The following TRPC4AP variants were observed in gnomAD, a reference collection of about 807,000 sequenced individuals.
TRPC4AP encodes the protein transient receptor potential cation channel subfamily C member 4 associated protein.
A neutral mutation model predicts 99.0 loss-of-function variants in TRPC4AP; 45 were observed. The ratio of observed to expected loss-of-function variants is 0.45; its 90% CI spans 0.36 to 0.58. TRPC4AP has a LOEUF of 0.58. Among genes scored for constraint, TRPC4AP ranks in the 20% least tolerant of loss-of-function variants. The pLI is 0.00. For synonymous variants in TRPC4AP, 408 were observed against 385.8 expected, an observed-to-expected ratio of 1.06 and a Z score of -0.67; for missense variants, 879 against 985.3, an observed-to-expected ratio of 0.89 and a Z score of 1.44.
intron 8 of TRPC4AP, among the ~76,000 whole-genome samples, chr20:35,024,825 C>CCAAAAAAAAAAAAAAAAAAAAAAAAA (rs1555904985): frequency 2.8e-5 from 1 of 35,882 alleles, no homozygotes; most frequent in Admixed American, 4.0e-4. Context: ...GAGACCGTCT[C>CCAAAAAAAAAAAAAAAAAAAAAAAAA]AAAAAAAAAA....
At chr20:35,050,067 A>C (rs1474311833) in intron 5 of TRPC4AP, 73 bp from the exon 6 acceptor site, 1 of 1,517,820 alleles carries the variant, frequency 6.6e-7, no homozygotes, top group Non-Finnish European at 8.9e-7. Context: ...CATCCTTTAC[A>C]GACACTGAAA....
intron 4 of TRPC4AP, among the ~76,000 whole-genome samples, chr20:35,057,093 T>C (rs914398774): frequency 3.3e-5 from 5 of 152,016 alleles, no homozygotes; most frequent in Non-Finnish European, 7.4e-5. Context: ...TAAGAAATAG[T>C]GCATACCAAA....
chr20:35,030,078 C>T (rs2083144251), intron 8 of TRPC4AP, among the ~76,000 whole-genome samples: 2 of 150,616 alleles, frequency 1.3e-5, no homozygotes. Context: ...CCCGTCTCTA[C>T]TAAAAATACA....
rs1479270980 is a variant in TRPC4AP at position 35,024,854 on chromosome 20, A to AACAT, written c.1052-3499_1052-3498insATGT. Reference sequence around the variant, plus strand: ...AAAAAAAAAAAAAAAAAAAAAAAAAAATTCTGTTTATTCATTAATCAGGTG... The same window carrying AACAT: ...AAAAAAAAAAAAAAAAAAAAAAAAAAACATATTCTGTTTATTCATTAATCAGGTG... On this transcript the variant is annotated intron_variant, in intron 8 of 18. Transcript: ENST00000252015. 9.9e-3 allele frequency among the ~76,000 whole-genome samples: 881 copies of AACAT among 89,400 alleles called. 148 individuals carry two copies. The highest frequency in any genetic ancestry group is 0.033 in the African/African-American group (832 of 25,510). The allele number at this position is 89,400 out of a possible 152,430, so 58.6% of individuals were successfully genotyped here. A position where few individuals can be genotyped will look rare whatever the true frequency, so the allele number is the denominator to read the frequency against.
chr20:35,092,793 G>T lies in TRPC4AP; in HGVS notation c.-12C>A. 2 of 1,517,640 alleles carry T rather than the reference G, an allele frequency of 1.3e-6. No homozygotes were observed. Among genetic ancestry groups the T allele is most frequent in the Non-Finnish European group, 1.7e-6 (2 of 1,144,862 alleles). 94.0% of individuals were successfully genotyped at this position (1,517,640 alleles called of 1,614,324 possible). On this transcript the variant is annotated 5_prime_UTR_variant, in exon 1 of 19. Transcript: ENST00000252015. ...GGCGCCGCCGCCATGTCTCCTCGTC[G>T]GACAAACAGGAAGCAAGCGGCCTCG...
intron 3 of TRPC4AP, among the ~76,000 whole-genome samples, chr20:35,062,589 G>A (rs1033920270): frequency 2.0e-5 from 3 of 152,170 alleles, no homozygotes; most frequent in African/African-American, 7.2e-5. Flanking sequence ...AAAAGACCAC[G>A]TATTGTTATG....
At chr20:35,012,079 A>G (rs1311804638) in intron 11 of TRPC4AP, among the ~76,000 whole-genome samples, 2 of 152,206 alleles carry the variant, frequency 1.3e-5, no homozygotes, top group Admixed American at 1.3e-4. Context: ...CCAGAGACTC[A>G]CTTCCTCAGG....
At chr20:35,083,571 C>T (rs1462788020) in intron 1 of TRPC4AP, among the ~76,000 whole-genome samples, 1 of 150,654 alleles carries the variant, frequency 6.6e-6, no homozygotes, top group African/African-American at 2.4e-5. Context: ...GATGGTGCCA[C>T]TGCACTACAA....
intron 7 of TRPC4AP, among the ~76,000 whole-genome samples, chr20:35,043,573 C>T (rs1400543393): frequency 1.3e-5 from 2 of 152,034 alleles, no homozygotes; most frequent in Non-Finnish European, 2.9e-5. Flanking sequence ...GTACAGTAGT[C>T]CTCCCTTAGT....
chr20:35,004,345 G>A (rs73905041), intron 17 of TRPC4AP, 113 bp downstream of exon 17: 90,307 of 841,036 alleles, frequency 0.11, 5,871 homozygotes, highest in African/African-American at 0.24. Context: ...CAGAAGAGCT[G>A]GGTCTCCAGA....
chr20:35,062,526 T>G (rs985346274), intron 3 of TRPC4AP, among the ~76,000 whole-genome samples: 1 of 152,224 alleles, frequency 6.6e-6, no homozygotes, highest in African/African-American at 2.4e-5. Context: ...TGATACACGT[T>G]ATGACACGGA....
rs112134403 is a variant in TRPC4AP, at chr20:35,035,327, G to A, written c.866-19C>T. The A allele has an allele frequency of 1.9e-6, 3 of 1,607,284 alleles. No individual in the cohort carries two copies. Among genetic ancestry groups the A allele is most frequent in the Admixed American group, 3.4e-5 (2 of 59,108 alleles). ...AGGGCCGCTGCCAGGGAAAGAACAA[G>A]CGAGGAAATTTTCAAAATAGAGACC... On this transcript the variant is annotated intron_variant, in intron 7 of 18. Transcript: ENST00000252015.
intron 3 of TRPC4AP, among the ~76,000 whole-genome samples, chr20:35,062,816 C>T (rs891964163): frequency 6.6e-6 from 1 of 152,114 alleles, no homozygotes; most frequent in Non-Finnish European, 1.5e-5. Flanking sequence ...TGAATTATAT[C>T]TTTTAATATA....
At chr20:35,003,791 A>C (rs564517050) in intron 17 of TRPC4AP, among the ~76,000 whole-genome samples, 175 bp from the exon 18 acceptor site, 2 of 152,200 alleles carry the variant, frequency 1.3e-5, no homozygotes, top group East Asian at 1.9e-4. Flanking sequence ...CAGCAGCCCC[A>C]GTTTCCTGAC....
intron 7 of TRPC4AP, among the ~76,000 whole-genome samples, chr20:35,044,000 A>C (rs1335414426): frequency 6.6e-6 from 1 of 152,208 alleles, no homozygotes; most frequent in African/African-American, 2.4e-5. Flanking sequence ...CCCATTAACA[A>C]ATCTAATGAA....
At chr20:35,013,149 T>C in intron 10 of TRPC4AP, 83 bp from the exon 11 acceptor site, 1 of 1,345,406 alleles carries the variant, frequency 7.4e-7, no homozygotes. Context: ...GGTGGGAGCC[T>C]GCTTCTCTAA....
chr20:35,044,702 C>T lies in TRPC4AP; in HGVS notation c.668G>A (p.Arg223Gln), dbSNP rs759862385. 1.9e-6 allele frequency: 3 copies of T among 1,613,972 alleles called. No individual in the cohort carries two copies. The highest frequency in any genetic ancestry group is 1.1e-5 in the South Asian group (1 of 91,040). The change falls in exon 7 of 19, where the codon CGA (arginine) becomes CAA (glutamine). Residue 223 changes from arginine to glutamine, a missense_variant. Physicochemically the swap from Arg to Gln is conservative, Grantham distance 43 (BLOSUM62 1). This residue lies in a region of TRPC4AP where 603 missense variants were observed against 631.8 expected (regional missense o/e 0.95). Transcript: ENST00000252015. ...ACTCAGATTGGGGACTTCATCTAGT[C>T]GGATCATTTCCTACAGAAGACAAAA... is the stretch of plus-strand genomic sequence containing the variant. ...DILGVKKEMI[R>Q]LDEVPNLSSL...
chr20:35,026,767 G>C (rs2083040894), intron 8 of TRPC4AP, among the ~76,000 whole-genome samples: 1 of 152,066 alleles, frequency 6.6e-6, no homozygotes, highest in South Asian at 2.1e-4. Context: ...AGAATTCTCA[G>C]AGTATAAGTT....
At chr20:35,010,858 G>A (rs573229787) in intron 11 of TRPC4AP, among the ~76,000 whole-genome samples, 4 of 152,282 alleles carry the variant, frequency 2.6e-5, no homozygotes, top group East Asian at 1.9e-4. Context: ...TGTCACTCCC[G>A]GTGAAAACAC....
Sources: gnomAD v4.1 joint callset for allele counts (sites outside exome capture counted in the v4.1 genomes callset) on GRCh38, gnomAD v4.1.1 for gene constraint, gnomAD v4.1.1 regional missense constraint, MANE v1.5 for transcripts, NCBI Gene and HGNC (gene_info 2026-07-23, HGNC 2026-07-21) for gene names.